The following PLEC variants were observed in gnomAD, a reference collection of about 807,000 sequenced individuals.
PLEC encodes the protein hemidesmosomal protein 1.
PLEC carries 216 observed loss-of-function variants against 392.8 expected under a neutral mutation model. The ratio of observed to expected loss-of-function variants is 0.55; its 90% confidence interval spans 0.49 to 0.62. The LOEUF is 0.62. PLEC is among the 20% of genes least tolerant of loss of function. The pLI is 0.00. For synonymous variants in PLEC, 3,621 were observed against 2,980.6 expected (o/e 1.21, Z -7.00); for missense variants, 6,863 against 6,563.4 (o/e 1.05, Z -1.58).
intron 1 of PLEC, among the ~76,000 whole-genome samples, chr8:143,968,487 T>C (rs1365971091): frequency 2.2e-5 from 3 of 135,890 alleles, no homozygotes; most frequent in Non-Finnish European, 4.6e-5. Flanking sequence ...CAAGAGTCAC[T>C]TGAACCTGCT....
intron 25 of PLEC, 144 bp from the exon 26 acceptor site, chr8:143,928,136 CT>C: frequency 1.0e-6 from 1 of 1,000,206 alleles, no homozygotes; most frequent in South Asian, 1.7e-5. Context: ...TGGTCAGAGG[CT>C]TGCTTCAGGA....
chr8:143,945,865 G>T (rs1831388399), intron 1 of PLEC, among the ~76,000 whole-genome samples: 1 of 152,270 alleles, frequency 6.6e-6, no homozygotes, highest in Non-Finnish European at 1.5e-5. Context: ...GCGGCCGAGG[G>T]AAATGCCTGC....
At chr8:143,938,537 A>C in intron 2 of PLEC, 94 bp downstream of exon 2, 1 of 1,541,664 alleles carries the variant, frequency 6.5e-7, no homozygotes, top group East Asian at 2.2e-5. Context: ...GCACACAGGC[A>C]GCATGGGGAC....
intron 6 of PLEC, 148 bp from the exon 7 acceptor site, chr8:143,935,461 G>A: frequency 1.4e-6 from 1 of 697,294 alleles, no homozygotes; most frequent in Non-Finnish European, 2.6e-6. Flanking sequence ...CACATGGGCA[G>A]AGCTGAGAGC....
intron 30 of PLEC, 73 bp downstream of exon 30, chr8:143,926,711 C>CACGAGA: frequency 7.9e-7 from 1 of 1,273,662 alleles, no homozygotes; most frequent in Non-Finnish European, 1.1e-6. Flanking sequence ...CAGGCAGCTC[C>CACGAGA]TGTGGCTGTG....
intron 22 of PLEC, 43 bp downstream of exon 22, chr8:143,929,893 C>T (rs1427717408): frequency 3.1e-6 from 5 of 1,603,744 alleles, no homozygotes; most frequent in Non-Finnish European, 4.2e-6. Flanking sequence ...ACGCCTCTCC[C>T]CTCCTCCCAC....
chr8:143,958,647 ACCACAGCCCTG>A, upstream of PLEC: 1 of 453,258 alleles, frequency 2.2e-6, no homozygotes, highest in South Asian at 1.6e-5. The surrounding 1 kb of genome is among the most constrained non-coding windows in gnomAD (Gnocchi z 4.9). Flanking sequence ...AGCAGGTCCC[ACCACAGCCCTG>A]CCGCTGCCCT....
chr8:143,943,690 G>T (rs1212870342), upstream of PLEC: 1 of 1,246,604 alleles, frequency 8.0e-7, no homozygotes, highest in African/African-American at 1.5e-5. Flanking sequence ...TTGGAAACAG[G>T]AAGGGGAGGG....
chr8:143,918,738 C>T lies in PLEC; in HGVS notation c.11083G>A (p.Val3695Ile). 4 of 1,613,012 alleles carry T rather than the reference C, an allele frequency of 2.5e-6. No individual in the cohort carries two copies. Among genetic ancestry groups the T allele is most frequent in the East Asian group, 2.2e-5 (1 of 44,860 alleles). Residue 3695 changes from valine (V) to isoleucine (I), a missense_variant, in exon 32 of 32, where the codon GTC becomes ATC. Val to Ile is a conservative substitution (Grantham distance 29, BLOSUM62 3). Coordinates refer to ENST00000345136, the MANE Select transcript of PLEC (RefSeq NM_201384.3). ...GTCTGCCTGGAACCGGGCAGGTAGA[C>T]ACCAGCCACGGAGCCCGTGCCATAG... ...YLYGTGSVAGVYLPGSRQTLS... is the reference protein window; with the variant it reads ...YLYGTGSVAGIYLPGSRQTLS...
intron 1 of PLEC, among the ~76,000 whole-genome samples, chr8:143,939,052 C>T (rs1829851576): frequency 1.3e-5 from 2 of 152,302 alleles, no homozygotes; most frequent in South Asian, 4.1e-4. Flanking sequence ...AGCCAGGGCC[C>T]GGGCCCGCTG....
intron 5 of PLEC, 62 bp downstream of exon 5, chr8:143,936,917 G>A: frequency 7.6e-7 from 1 of 1,316,684 alleles, no homozygotes; most frequent in Non-Finnish European, 1.1e-6. Context: ...CGCCAGCCAA[G>A]GAGCCCAGGC....
At position 143,921,116 on chromosome 8, in the gene PLEC, C is replaced by T. The variant is rs782819280; in HGVS notation, c.8705G>A (p.Arg2902Gln). 29 of 1,612,410 alleles carry T rather than the reference C, an allele frequency of 1.8e-5. No individual in the cohort carries two copies. The highest frequency in any genetic ancestry group is 6.7e-5 in the Admixed American group (4 of 60,008). Residue 2902 changes from arginine (R) to glutamine (Q), a missense_variant, in exon 32 of 32, where the codon CGG (arginine) becomes CAG (glutamine). Transcript: ENST00000345136. ...GELVYTDSEA[R>Q]DVFEKATVSA... is the part of the protein sequence containing the mutation. ...CACGGTGGCCTTCTCAAAGACGTCC[C>T]GGGCCTCGGAGTCAGTGTAGACCAG...
Position 143,921,924 on chromosome 8 carries a change from G to A in PLEC, c.7897C>T (p.Leu2633Phe), listed in dbSNP as rs1247177731. The A allele has an allele frequency of 8.8e-6, 14 of 1,599,442 alleles. No homozygotes were observed. The highest frequency in any genetic ancestry group is 1.3e-5 in the African/African-American group (1 of 74,934). Residue 2633 changes from leucine to phenylalanine, a missense_variant, in exon 32 of 32, where the codon CTT (leucine) becomes TTT (phenylalanine). Leu to Phe is a conservative substitution (Grantham distance 22, BLOSUM62 0). Transcript: ENST00000345136. ...TKTLPNGRDA[L>F]DGPAAEAEPE... ...TCTGCCTCTGCCGCGGGGCCATCAA[G>A]TGCATCCCGGCCATTGGGCAGGGTC... is the stretch of plus-strand genomic sequence containing the variant.
At chr8:143,934,293 C>G in intron 11 of PLEC, 25 bp downstream of exon 11, 1 of 1,610,604 alleles carries the variant, frequency 6.2e-7, no homozygotes, top group Non-Finnish European at 8.5e-7. Context: ...GGGTGGTTCC[C>G]CTGCCACCAC....
Position 143,920,580 on chromosome 8 carries a change from C to T in PLEC, c.9241G>A (p.Ala3081Thr), listed in dbSNP as rs782803695. Residue 3081 changes from alanine to threonine, a missense_variant, in exon 32 of 32, where the codon GCA becomes ACA. Transcript: ENST00000345136. ...ATSARLTVDE[A>T]VRAGLVGPEF... ...GGGCCCACCAGGCCAGCACGCACTGCCTCGTCCACGGTCAGCCGGGCGCTG... is the reference window on the plus strand; with the variant it reads ...GGGCCCACCAGGCCAGCACGCACTGTCTCGTCCACGGTCAGCCGGGCGCTG... 127 of 1,610,708 alleles carry T rather than the reference C, an allele frequency of 7.9e-5. No individual in the cohort carries two copies. Among genetic ancestry groups the T allele is most frequent in the Non-Finnish European group, 9.6e-5 (113 of 1,179,880 alleles).
Position 143,921,006 on chromosome 8 carries a change from G to A in PLEC, c.8815C>T (p.Arg2939Trp), listed in dbSNP as rs782575301. Residue 2939 changes from arginine to tryptophan, a missense_variant, in exon 32 of 32, where the codon CGG (arginine) becomes TGG (tryptophan). Physicochemically the swap from Arg to Trp is moderately radical, Grantham distance 101. Coordinates refer to ENST00000345136, the MANE Select transcript of PLEC (RefSeq NM_201384.3). ...GTGCGGAACTGCCGCAGCAGGTCCC[G>A]CCGCTGCTCTGCCGTGAAGTATTCC... ...NSEYFTAEQRRDLLRQFRTGR... is the reference protein window; with the variant it reads ...NSEYFTAEQRWDLLRQFRTGR... 2.4e-5 allele frequency: 38 copies of A among 1,613,038 alleles called. No homozygotes were observed. Among genetic ancestry groups the A allele is most frequent in the Middle Eastern group, 3.3e-4 (2 of 6,084 alleles).
rs781812480 is a variant in PLEC at position 143,973,425 on chromosome 8, C to T, written c.48G>A (p.Glu16=). The change falls in exon 1 of 32, where the codon GAG becomes GAA. Residue 16 remains glutamate, a synonymous_variant. Transcript: ENST00000356346. The surrounding 1 kb of genome is among the most constrained non-coding windows in gnomAD (Gnocchi z 5.6). ...TACCTTTGTACTTCTCGCGCACCTC[C>T]TCGTAGGCCTGGATGAAGTCCTGCT... is the stretch of plus-strand genomic sequence containing the variant. 7 of 1,548,934 alleles carry T rather than the reference C, an allele frequency of 4.5e-6. No individual in the cohort carries two copies. The highest frequency in any genetic ancestry group is 6.1e-6 in the Non-Finnish European group (7 of 1,147,700).
chr8:143,932,573 A>T lies in PLEC; in HGVS notation c.1816-12T>A, dbSNP rs1827676411. 6.2e-7 allele frequency: 1 copy of T among 1,612,308 alleles called. No individual in the cohort carries two copies. The highest frequency in any genetic ancestry group is 1.3e-5 in the African/African-American group (1 of 74,956). Reference sequence around the variant, plus strand: ...GCCTTGGAGGAGTTCTGTGGGCAGGAGGGTGCGTGTCAGCAGGCCGCGGGC... The same window carrying T: ...GCCTTGGAGGAGTTCTGTGGGCAGGTGGGTGCGTGTCAGCAGGCCGCGGGC... On this transcript the variant is annotated splice_polypyrimidine_tract_variant and intron_variant, in intron 15 of 31. Transcript: ENST00000345136.
rs1272776324 is a variant in PLEC, at chr8:143,925,146, A to C, written c.4783T>G (p.Ser1595Ala). ...ACAGCCACGTGTTCCTCCTGCAGGG[A>C]GCGCTCCAGCTGTGCCGTCTTCTCG... ...FAEKTAQLER[S>A]LQEEHVAVAQ... is the part of the protein sequence containing the mutation. Residue 1595 changes from serine (S) to alanine (A), a missense_variant, in exon 31 of 32, where the codon TCC becomes GCC. Physicochemically the swap from Ser to Ala is moderately conservative, Grantham distance 99. Transcript: ENST00000345136. 1.9e-6 allele frequency: 3 copies of C among 1,557,088 alleles called. No individual in the cohort carries two copies. The African/African-American group carries it at 4.1e-5, about 21-fold the overall frequency.
Sources: allele counts gnomAD v4.1 joint callset (sites outside exome capture counted in the v4.1 genomes callset), GRCh38; gene constraint gnomAD v4.1.1; non-coding constraint Gnocchi (gnomAD v3.1); transcripts MANE v1.5; gene names NCBI Gene and HGNC (gene_info 2026-07-23, HGNC 2026-07-21).